The following KCTD1 variants were observed in gnomAD, a reference collection of about 807,000 sequenced individuals.
KCTD1 encodes the protein BTB/POZ domain-containing protein KCTD1.
KCTD1 carries 24 observed loss-of-function variants against 66.0 expected under a neutral mutation model. That is an observed-to-expected ratio of 0.36 (90% CI 0.26 to 0.51). The LOEUF (loss-of-function observed/expected upper bound fraction) is 0.51. KCTD1 is among the 20% of genes least tolerant of loss of function. KCTD1 has a pLI of 0.95. For missense variants in KCTD1, 943 were observed against 1,205.2 expected (o/e 0.78, Z 3.22); for synonymous variants, 511 against 517.2 (o/e 0.99, Z 0.16).
intron 1 of KCTD1, among the ~76,000 whole-genome samples, chr18:26,542,774 C>A (rs534889868): frequency 6.6e-6 from 1 of 152,258 alleles, no homozygotes; most frequent in South Asian, 2.1e-4. Flanking sequence ...TCCACTTTCT[C>A]CCTGGCAACA....
At chr18:26,542,542 T>G (rs1985022717) in intron 1 of KCTD1, among the ~76,000 whole-genome samples, 1 of 152,100 alleles carries the variant, frequency 6.6e-6, no homozygotes, top group African/African-American at 2.4e-5. Flanking sequence ...GAAACTCAAG[T>G]TTTATTGGAT....
At chr18:26,619,680 T>C (rs1376366165) in intron 1 of KCTD1, among the ~76,000 whole-genome samples, 1 of 152,194 alleles carries the variant, frequency 6.6e-6, no homozygotes, top group African/African-American at 2.4e-5. Context: ...TGAGGAGACA[T>C]CTGCCGGCAG....
At chr18:26,595,077 C>T (rs1277744786) in intron 1 of KCTD1, among the ~76,000 whole-genome samples, 2 of 152,036 alleles carry the variant, frequency 1.3e-5, no homozygotes, top group Non-Finnish European at 2.9e-5. Flanking sequence ...GATTCTGTAT[C>T]TCTGGAGAAC....
intron 2 of KCTD1, among the ~76,000 whole-genome samples, chr18:26,498,212 C>A (rs1019586440): frequency 2.6e-4 from 40 of 152,078 alleles, no homozygotes; most frequent in African/African-American, 9.2e-4. Context: ...CAATGAATCA[C>A]AAATTATTTT....
intron 1 of KCTD1, among the ~76,000 whole-genome samples, chr18:26,619,445 G>A (rs896923239): frequency 3.9e-5 from 6 of 152,228 alleles, no homozygotes; most frequent in Non-Finnish European, 8.8e-5. Context: ...TATGTAATTT[G>A]TTTGTTTGTG....
At chr18:26,545,686 G>C (rs186724427) in intron 1 of KCTD1, 117 of 151,978 alleles carry the variant, frequency 7.7e-4, no homozygotes, top group African/African-American at 2.7e-3. Flanking sequence ...AGAACACAGT[G>C]TCCAAAGACC....
chr18:26,597,717 G>A (rs1011537319), intron 1 of KCTD1, among the ~76,000 whole-genome samples: 5 of 145,066 alleles, frequency 3.4e-5, no homozygotes, highest in African/African-American at 1.0e-4. Context: ...GCAATGGCAC[G>A]CTCTCAGCTC....
At position 26,454,946 on chromosome 18, in the gene KCTD1, A is replaced by AC. The variant is rs140628831; in HGVS notation, c.*796dup. On this transcript the variant is annotated 3_prime_UTR_variant, in exon 5 of 5. Transcript: ENST00000580059. ...AAAAATTTCACTTTAATCCAGCCTC[A>AC]CCCCCACATGTGTGTTTCACACAGA... 0.021 allele frequency: 3,231 copies of AC among 152,548 alleles called. 52 individuals carry two copies. Among genetic ancestry groups the AC allele is most frequent in the Middle Eastern group, 0.078 (23 of 294 alleles). The allele number at this position is 152,548 out of a possible 1,614,324, so 9.4% of individuals were successfully genotyped here. A position where few individuals can be genotyped will look rare whatever the true frequency, so the allele number is the denominator to read the frequency against.
chr18:26,489,651 C>T (rs768886199), intron 2 of KCTD1, among the ~76,000 whole-genome samples: 4 of 152,110 alleles, frequency 2.6e-5, no homozygotes, highest in African/African-American at 7.2e-5. Context: ...TTATTTTCCA[C>T]GTTGGCCTGA....
intron 1 of KCTD1, among the ~76,000 whole-genome samples, chr18:26,554,199 G>A (rs1191398905): frequency 1.4e-5 from 2 of 145,724 alleles, no homozygotes; most frequent in African/African-American, 5.2e-5. Flanking sequence ...AGAAAGAAAA[G>A]AGAATCTTCA....
At chr18:26,456,020 TG>T (rs1980068693) in intron 4 of KCTD1, 119 bp from the exon 5 acceptor site, 12 of 890,004 alleles carry the variant, frequency 1.3e-5, no homozygotes, top group Non-Finnish European at 2.0e-5. Context: ...CCCATGTCCC[TG>T]TGAGCTGCTC....
intron 1 of KCTD1, among the ~76,000 whole-genome samples, chr18:26,535,982 AAAAAAG>A (rs1315935485): frequency 1.3e-5 from 2 of 151,346 alleles, no homozygotes; most frequent in South Asian, 2.1e-4. Context: ...AAAAAAAAAA[AAAAAAG>A]AAGATTTTTT....
In KCTD1 at chr18:26,620,926, G is replaced by T. The variant is rs1039024857; in HGVS notation, c.-16+8221C>A. On this transcript the variant is annotated intron_variant, in intron 1 of 4. Transcript: ENST00000317932. ...CGGCTCACTGCAAACTCCGCCTCCC[G>T]GGTTCACGCCATTCTCCTGCCTCAG... 2.7e-5 allele frequency among the ~76,000 whole-genome samples: 4 copies of T among 147,148 alleles called. No homozygotes were observed. The East Asian group carries it at 8.1e-4, about 30-fold the overall frequency.
chr18:26,582,917 A>T (rs2144925813), intron 1 of KCTD1, among the ~76,000 whole-genome samples: 1 of 152,336 alleles, frequency 6.6e-6, no homozygotes, highest in African/African-American at 2.4e-5. Context: ...TTTTACAAAT[A>T]AAATTAATAT....
chr18:26,638,721 G>A (rs1295288509), intron 1 of KCTD1, among the ~76,000 whole-genome samples: 1 of 152,248 alleles, frequency 6.6e-6, no homozygotes, highest in East Asian at 1.9e-4. Flanking sequence ...TCAACAGCCA[G>A]TCCACCTGAG....
At chr18:26,603,572 G>A (rs577517932) in intron 1 of KCTD1, among the ~76,000 whole-genome samples, 6 of 151,718 alleles carry the variant, frequency 4.0e-5, no homozygotes, top group Admixed American at 2.0e-4. Context: ...ATGAAACCCC[G>A]CCTCAACTAA....
At chr18:26,646,699 CAG>C (rs1987931967) in intron 1 of KCTD1, among the ~76,000 whole-genome samples, 1 of 152,086 alleles carries the variant, frequency 6.6e-6, no homozygotes, top group African/African-American at 2.4e-5. Flanking sequence ...CATTTTGACT[CAG>C]AATTTTTTTA....
intron 1 of KCTD1, among the ~76,000 whole-genome samples, chr18:26,512,987 AT>A (rs972680372): frequency 6.0e-5 from 9 of 150,930 alleles, no homozygotes; most frequent in South Asian, 2.1e-4. Context: ...TCAAAAAAAA[AT>A]TTTTTTTTTC....
At chr18:26,605,469 C>T (rs1986990971) in intron 1 of KCTD1, among the ~76,000 whole-genome samples, 1 of 152,052 alleles carries the variant, frequency 6.6e-6, no homozygotes, top group South Asian at 2.1e-4. Flanking sequence ...CTCTTCCCTT[C>T]AGAAAATTTT....
Sources: allele counts gnomAD v4.1 joint callset (sites outside exome capture counted in the v4.1 genomes callset), GRCh38; gene constraint gnomAD v4.1.1; transcripts MANE v1.5; gene names NCBI Gene and HGNC (gene_info 2026-07-23, HGNC 2026-07-21).